The following LIN52 variants were observed in gnomAD, a reference collection of about 807,000 sequenced individuals.
LIN52 encodes lin-52 DREAM MuvB core complex component.
Under a neutral mutation model 18.5 loss-of-function variants are expected in LIN52, and 4 were observed. The observed-to-expected ratio is 0.22, with a 90% confidence interval of 0.11 to 0.49. LIN52 has a LOEUF of 0.49. Among genes scored for constraint, LIN52 ranks in the 20% least tolerant of loss-of-function variants. The probability of loss-of-function intolerance (pLI) is 0.97; values close to 1 mark genes in which losing one functional copy is unlikely to be tolerated. For synonymous variants in LIN52, 34 were observed against 45.5 expected (o/e 0.75, Z 1.02); for missense variants, 102 against 139.5 (o/e 0.73, Z 1.35).
chr14:74,155,017 T>C (rs2061193637), intron 5 of LIN52, among the ~76,000 whole-genome samples: 1 of 152,204 alleles, frequency 6.6e-6, no homozygotes, highest in Non-Finnish European at 1.5e-5. Context: ...AACTCTTTTA[T>C]GTAAACAGAA....
intron 5 of LIN52, chr14:74,114,311 C>G: frequency 1.0e-6 from 1 of 985,236 alleles, no homozygotes; most frequent in Non-Finnish European, 1.2e-6. Context: ...AGGAAAGATA[C>G]ACACCTTTAG....
At chr14:74,163,610 C>T (rs1023656165) in intron 5 of LIN52, among the ~76,000 whole-genome samples, 2 of 152,036 alleles carry the variant, frequency 1.3e-5, no homozygotes, top group Admixed American at 6.6e-5. Context: ...GCTTTTCTTT[C>T]GAAACCCTAC....
Position 74,097,828 on chromosome 14 carries a change from A to T in LIN52, c.167A>T (p.Glu56Val). The T allele has an allele frequency of 1.2e-6, 2 of 1,613,230 alleles. No homozygotes were observed. Among genetic ancestry groups the T allele is most frequent in the South Asian group, 2.2e-5 (2 of 91,042 alleles). ...ITSSPPKWMAEIERDDIDMLK... is the reference protein window; with the variant it reads ...ITSSPPKWMAVIERDDIDMLK... ...AGTTCTCCACCCAAATGGATGGCTG[A>T]GATAGAACGTGATGACATCGACATG... Residue 56 changes from glutamate to valine, a missense_variant, in exon 4 of 6, where the codon GAG becomes GTG. Coordinates refer to ENST00000555028, the MANE Select transcript of LIN52 (RefSeq NM_001024674.3).
chr14:74,195,575 T>TGTGC (rs559855495), intron 5 of LIN52, among the ~76,000 whole-genome samples: 13 of 151,678 alleles, frequency 8.6e-5, no homozygotes, highest in Middle Eastern at 3.4e-3. Flanking sequence ...TGTGTGTGTG[T>TGTGC]GCGCGTGTAG....
intron 5 of LIN52, among the ~76,000 whole-genome samples, chr14:74,197,785 C>G (rs2078923322): frequency 6.6e-6 from 1 of 152,166 alleles, no homozygotes; most frequent in African/African-American, 2.4e-5. Flanking sequence ...GTTTTTATTT[C>G]TTCATTGTAC....
In LIN52 at chr14:74,085,004, G is replaced by C; in HGVS notation, c.19+11G>C. 7.2e-7 allele frequency: 1 copy of C among 1,392,990 alleles called. No individual in the cohort carries two copies. Among genetic ancestry groups the C allele is most frequent in the Non-Finnish European group, 9.4e-7 (1 of 1,065,744 alleles). 86.3% of individuals were successfully genotyped at this position (1,392,990 alleles called of 1,614,324 possible). A position where few individuals can be genotyped will look rare whatever the true frequency, so the allele number is the denominator to read the frequency against. On this transcript the variant is annotated intron_variant, in intron 1 of 5. Coordinates refer to ENST00000555028, the MANE Select transcript of LIN52 (RefSeq NM_001024674.3). ...CGTCTCCCACAGACGGTAAGAGCCGGCTTAGAGATCTTTGCCTGCAGCCTC... is the reference window on the plus strand; with the variant it reads ...CGTCTCCCACAGACGGTAAGAGCCGCCTTAGAGATCTTTGCCTGCAGCCTC...
At chr14:74,170,003 A>G (rs1012626133) in intron 5 of LIN52, among the ~76,000 whole-genome samples, 1 of 152,226 alleles carries the variant, frequency 6.6e-6, no homozygotes, top group Non-Finnish European at 1.5e-5. Flanking sequence ...AAAATCTGCC[A>G]GATGGACATC....
At chr14:74,095,733 A>T (rs2139860716) in intron 2 of LIN52, among the ~76,000 whole-genome samples, 1 of 152,188 alleles carries the variant, frequency 6.6e-6, no homozygotes, top group African/African-American at 2.4e-5. Flanking sequence ...GAAGCTTTTT[A>T]TGCCCCCTGG....
At chr14:74,113,929 C>A in intron 5 of LIN52, 1 of 154,060 alleles carries the variant, frequency 6.5e-6, no homozygotes, top group Non-Finnish European at 1.4e-5. Context: ...TGCATCCATT[C>A]ATGTACCATG....
intron 5 of LIN52, among the ~76,000 whole-genome samples, chr14:74,142,951 T>C (rs1042112070): frequency 6.6e-6 from 1 of 150,706 alleles, no homozygotes; most frequent in Non-Finnish European, 1.5e-5. Flanking sequence ...GGCTTTCTGA[T>C]CAAATTGGGT....
chr14:74,191,901 C>T (rs988408968), intron 5 of LIN52, among the ~76,000 whole-genome samples: 7 of 152,166 alleles, frequency 4.6e-5, no homozygotes, highest in African/African-American at 1.7e-4. Context: ...TTCCAAAGTG[C>T]TGGGATTACA....
chr14:74,100,655 T>C (rs2060847532), intron 4 of LIN52, among the ~76,000 whole-genome samples: 1 of 152,160 alleles, frequency 6.6e-6, no homozygotes, highest in South Asian at 2.1e-4. Context: ...GTTCTATTTT[T>C]AGTAGAGACA....
At position 74,163,787 on chromosome 14, in the gene LIN52, G is replaced by T. The variant is rs529076956; in HGVS notation, c.284-35135G>T. Among the ~76,000 whole-genome samples, 6 of 152,270 alleles carry T rather than the reference G, an allele frequency of 3.9e-5. No individual in the cohort carries two copies. In the South Asian group the frequency reaches 8.3e-4, roughly 21 times the overall value. Reference sequence around the variant, plus strand: ...CCAAGGCAGTTCACGAAACTTCAAAGGCTGAAGATTGGTGGTACAGGTGAA... The same window carrying T: ...CCAAGGCAGTTCACGAAACTTCAAATGCTGAAGATTGGTGGTACAGGTGAA... On this transcript the variant is annotated intron_variant, in intron 5 of 5. Coordinates refer to ENST00000555028, the MANE Select transcript of LIN52 (RefSeq NM_001024674.3).
At chr14:74,174,512 G>C (rs926531639) in intron 5 of LIN52, 1 of 152,450 alleles carries the variant, frequency 6.6e-6, no homozygotes, top group Non-Finnish European at 1.5e-5. Flanking sequence ...TATTGGGGGG[G>C]AGGATTGGTT....
intron 5 of LIN52, among the ~76,000 whole-genome samples, chr14:74,145,297 G>T (rs959667768): frequency 1.3e-4 from 20 of 152,214 alleles, no homozygotes; most frequent in African/African-American, 4.1e-4. Flanking sequence ...TGTTTTTTCA[G>T]TTCTTCCATA....
chr14:74,131,526 G>C (rs2061067498), intron 5 of LIN52, among the ~76,000 whole-genome samples: 1 of 152,048 alleles, frequency 6.6e-6, no homozygotes, highest in South Asian at 2.1e-4. Flanking sequence ...CACCATGTTG[G>C]CCAGGCTGGT....
intron 5 of LIN52, among the ~76,000 whole-genome samples, chr14:74,163,508 G>A (rs2061235195): frequency 6.6e-6 from 1 of 152,136 alleles, no homozygotes; most frequent in Non-Finnish European, 1.5e-5. Flanking sequence ...TGACAAAACA[G>A]TTATAATCAT....
chr14:74,136,798 G>A (rs570837346), intron 5 of LIN52, among the ~76,000 whole-genome samples: 18 of 152,234 alleles, frequency 1.2e-4, no homozygotes, highest in African/African-American at 4.1e-4. Context: ...AAGAGGACCA[G>A]CAGCTGCCCC....
Position 74,091,768 on chromosome 14 carries a change from T to C in LIN52, c.94+462T>C, listed in dbSNP as rs1212332359. Among the ~76,000 whole-genome samples the C allele has an allele frequency of 1.1e-4, 13 of 113,520 alleles. No individual in the cohort carries two copies. In the East Asian group the frequency reaches 2.5e-3, roughly 22 times the overall value. The allele number at this position is 113,520 out of a possible 152,430, so 74.5% of individuals were successfully genotyped here. A position where few individuals can be genotyped will look rare whatever the true frequency, so the allele number is the denominator to read the frequency against. On this transcript the variant is annotated intron_variant, in intron 2 of 5. Transcript: ENST00000555028. ...CAGCCTGTGTGACAGGGTGAGACTCTGTCTCAAAAAAAAAAAAAAAAAAAA... is the reference window on the plus strand; with the variant it reads ...CAGCCTGTGTGACAGGGTGAGACTCCGTCTCAAAAAAAAAAAAAAAAAAAA...
Sources: gnomAD v4.1 joint callset for allele counts (sites outside exome capture counted in the v4.1 genomes callset) on GRCh38, gnomAD v4.1.1 for gene constraint, MANE v1.5 for transcripts, NCBI Gene and HGNC (gene_info 2026-07-23, HGNC 2026-07-21) for gene names.